The following PPP3CB variants were observed in gnomAD, a reference collection of about 807,000 sequenced individuals.
PPP3CB encodes serine/threonine-protein phosphatase 2B catalytic subunit beta isoform.
Under a neutral mutation model 66.4 loss-of-function variants are expected in PPP3CB, and 8 were observed. The ratio of observed to expected loss-of-function variants is 0.12; its 90% confidence interval spans 0.07 to 0.22. The LOEUF (loss-of-function observed/expected upper bound fraction) is 0.22. Ranked by LOEUF, PPP3CB falls within the 10% of genes least tolerant of loss-of-function variation. The pLI, the probability that PPP3CB is intolerant of heterozygous loss-of-function variation, is 1.00. For missense variants in PPP3CB, 319 were observed against 642.5 expected (o/e 0.50, Z 5.44); for synonymous variants, 208 against 221.2 (o/e 0.94, Z 0.53).
At chr10:73,460,178 C>T (rs938398243) in intron 9 of PPP3CB, among the ~76,000 whole-genome samples, 11 of 148,558 alleles carry the variant, frequency 7.4e-5, no homozygotes, top group Admixed American at 5.4e-4. Context: ...CTACATGGAG[C>T]CATTTAACGG....
intron 10 of PPP3CB, chr10:73,448,554 C>T (rs965037904): frequency 9.1e-5 from 45 of 496,066 alleles, no homozygotes; most frequent in Non-Finnish European, 1.7e-4. Flanking sequence ...TGCACAAGGC[C>T]CAAGAGGACT....
At chr10:73,494,338 G>A (rs1463450362) in intron 1 of PPP3CB, among the ~76,000 whole-genome samples, 1 of 152,090 alleles carries the variant, frequency 6.6e-6, no homozygotes, top group Middle Eastern at 3.2e-3. Flanking sequence ...CCAGGTTGGA[G>A]CACACTGGCG....
intron 8 of PPP3CB, among the ~76,000 whole-genome samples, chr10:73,469,428 C>A (rs1362359647): frequency 6.6e-6 from 1 of 152,060 alleles, no homozygotes; most frequent in African/African-American, 2.4e-5. Flanking sequence ...ATGATCCCAG[C>A]TATTAGGGAG....
rs1268928101 is a variant in PPP3CB, at chr10:73,454,437, C to T, written c.1161G>A (p.Met387Ile). The T allele has an allele frequency of 6.2e-7, 1 of 1,611,394 alleles. No individual in the cohort carries two copies. Among genetic ancestry groups the T allele is most frequent in the Non-Finnish European group, 8.5e-7 (1 of 1,178,556 alleles). Residue 387 changes from methionine to isoleucine, a missense_variant, in exon 10 of 14, where the codon ATG becomes ATA. Physicochemically the swap from Met to Ile is conservative, Grantham distance 10. Around this residue, in one of 5 missense-constraint regions of PPP3CB, gnomAD observed 120 missense variants for 331.2 expected, o/e 0.36. Transcript: ENST00000360663. ...VLSICSDDEL[M>I]TEGEDQFDGS... ...CATCAAACTGGTCTTCACCTTCAGT[C>T]ATTAGTTCATCATCAGAGCAAATAC...
At chr10:73,454,811 A>AT (rs1298973056) in intron 9 of PPP3CB, among the ~76,000 whole-genome samples, 3 of 152,018 alleles carry the variant, frequency 2.0e-5, no homozygotes, top group South Asian at 4.2e-4. Flanking sequence ...ATTCATGGAT[A>AT]TAGCATAATA....
intron 1 of PPP3CB, among the ~76,000 whole-genome samples, chr10:73,487,235 A>G (rs1409283321): frequency 6.6e-6 from 1 of 152,092 alleles, no homozygotes; most frequent in Admixed American, 6.6e-5. Context: ...AAGTTCCACC[A>G]TTATCAAAAC....
intron 11 of PPP3CB, among the ~76,000 whole-genome samples, chr10:73,446,052 T>TATA (rs2056244929): frequency 6.6e-6 from 1 of 152,094 alleles, no homozygotes; most frequent in East Asian, 1.9e-4. Context: ...TGGCCAGGCC[T>TATA]AAGTAACTTC....
Position 73,494,429 on chromosome 10 carries a change from A to G in PPP3CB, c.85+1376T>C, listed in dbSNP as rs374989351. On this transcript the variant is annotated intron_variant, in intron 1 of 13. Transcript: ENST00000360663. ...CAGCCTCCCGATCCGCTGGGACTACAGGGGCGCGCCACCATGCCCGGCTAA... is the reference window on the plus strand; with the variant it reads ...CAGCCTCCCGATCCGCTGGGACTACGGGGGCGCGCCACCATGCCCGGCTAA... 3.5e-4 allele frequency among the ~76,000 whole-genome samples: 53 copies of G among 152,204 alleles called. 1 individual carries two copies. Among genetic ancestry groups the G allele is most frequent in the African/African-American group, 1.2e-3 (49 of 41,526 alleles).
intron 12 of PPP3CB, among the ~76,000 whole-genome samples, chr10:73,443,273 A>AG: frequency 1.5e-5 from 2 of 136,016 alleles, no homozygotes; most frequent in African/African-American, 3.2e-5. Flanking sequence ...AGAGAGAAAG[A>AG]AAGAAAGAAA....
chr10:73,478,974 C>T (rs1217047603), intron 2 of PPP3CB, among the ~76,000 whole-genome samples: 4 of 152,206 alleles, frequency 2.6e-5, no homozygotes. Flanking sequence ...CTTTCTGTTG[C>T]TCTCTAAATG....
chr10:73,452,494 G>A (rs961356364), intron 10 of PPP3CB, among the ~76,000 whole-genome samples: 2 of 152,072 alleles, frequency 1.3e-5, no homozygotes, highest in Non-Finnish European at 1.5e-5. Context: ...TCAGGAGTTC[G>A]AGACAAGTTT....
At chr10:73,475,174 C>T in intron 3 of PPP3CB, 144 bp from the exon 4 acceptor site, 1 of 1,198,442 alleles carries the variant, frequency 8.3e-7, no homozygotes, top group Non-Finnish European at 1.1e-6. Flanking sequence ...ACCACAAAAT[C>T]ACAGATTTTG....
intron 4 of PPP3CB, among the ~76,000 whole-genome samples, chr10:73,472,442 C>A (rs1353386800): frequency 5.4e-5 from 8 of 149,360 alleles, no homozygotes; most frequent in South Asian, 2.1e-4. Flanking sequence ...TGCAGTGGGC[C>A]GAGATCGTGC....
chr10:73,439,956 A>G (rs2056119399), intron 12 of PPP3CB, 55 bp from the exon 13 acceptor site: 1 of 1,524,670 alleles, frequency 6.6e-7, no homozygotes, highest in Non-Finnish European at 9.1e-7. Context: ...GAGAAGGGTC[A>G]TATTGTACAG....
intron 1 of PPP3CB, among the ~76,000 whole-genome samples, chr10:73,492,284 C>T (rs1013437962): frequency 5.9e-5 from 9 of 151,982 alleles, no homozygotes; most frequent in Admixed American, 5.2e-4. Flanking sequence ...TGACAATGCT[C>T]TCTAAGTAAA....
At chr10:73,486,530 C>T (rs1222850448) in intron 1 of PPP3CB, among the ~76,000 whole-genome samples, 4 of 151,812 alleles carry the variant, frequency 2.6e-5, no homozygotes, top group Non-Finnish European at 5.9e-5. Context: ...GTCTTGAACT[C>T]CTGACCTCAG....
chr10:73,471,408 G>A lies in PPP3CB; in HGVS notation c.669+60C>T, dbSNP rs570230686. ...CAGTGAAGTGAAGTTTGAAACTTCTGCTCTACTCAACAATGTACTATAAAT... is the reference window on the plus strand; with the variant it reads ...CAGTGAAGTGAAGTTTGAAACTTCTACTCTACTCAACAATGTACTATAAAT... On this transcript the variant is annotated intron_variant, in intron 5 of 13. Transcript: ENST00000360663. 2.6e-5 allele frequency: 39 copies of A among 1,500,958 alleles called. No homozygotes were observed. The African/African-American group carries it at 2.8e-4, about 11-fold the overall frequency. 93.0% of individuals were successfully genotyped at this position (1,500,958 alleles called of 1,614,324 possible).
chr10:73,477,331 A>C (rs1317354110), intron 3 of PPP3CB: 1 of 468,912 alleles, frequency 2.1e-6, no homozygotes, highest in Non-Finnish European at 4.1e-6. Flanking sequence ...ATGTATGAAT[A>C]ATATGACTCA....
At chr10:73,461,255 T>G (rs554073777) in intron 9 of PPP3CB, among the ~76,000 whole-genome samples, 28 of 152,296 alleles carry the variant, frequency 1.8e-4, no homozygotes, top group Non-Finnish European at 3.7e-4. Flanking sequence ...AAAACCAACC[T>G]GGCCAACATA....
Sources: allele counts gnomAD v4.1 joint callset (sites outside exome capture counted in the v4.1 genomes callset), GRCh38; gene constraint gnomAD v4.1.1; regional missense constraint gnomAD v4.1.1; transcripts MANE v1.5; gene names NCBI Gene and HGNC (gene_info 2026-07-23, HGNC 2026-07-21).